PCDH15: variants seen among roughly 807,000 people sequenced by gnomAD.
PCDH15 encodes protocadherin related 15, also known as protocadherin-15.
Under a neutral mutation model 178.5 loss-of-function variants are expected in PCDH15, and 129 were observed. The observed-to-expected ratio is 0.72, with a 90% confidence interval of 0.63 to 0.84. The LOEUF (loss-of-function observed/expected upper bound fraction) is 0.84, where lower values mean the gene tolerates loss of function less well. PCDH15 is among the 40% of genes least tolerant of loss of function. PCDH15 has a pLI of 0.00. For synonymous variants in PCDH15, 800 were observed against 732.0 expected (o/e 1.09, Z -1.50); for missense variants, 2,230 against 2,099.9 (o/e 1.06, Z -1.21).
At chr10:55,154,424 T>C (rs1838827228) in intron 2 of PCDH15, among the ~76,000 whole-genome samples, 1 of 152,126 alleles carries the variant, frequency 6.6e-6, no homozygotes, top group African/African-American at 2.4e-5. Flanking sequence ...TGGTACTCTA[T>C]AGATAATCAG....
intron 2 of PCDH15, among the ~76,000 whole-genome samples, chr10:54,530,781 A>T (rs2083825211): frequency 6.6e-6 from 1 of 152,216 alleles, no homozygotes; most frequent in African/African-American, 2.4e-5. Context: ...CTTCTGGATA[A>T]ATACAAAAAT....
intron 18 of PCDH15, among the ~76,000 whole-genome samples, chr10:54,050,904 T>TA (rs2093758214): frequency 6.6e-6 from 1 of 152,136 alleles, no homozygotes; most frequent in Non-Finnish European, 1.5e-5. Context: ...TGGGAGCAGT[T>TA]ACTTCTATAC....
In PCDH15 at chr10:54,238,712, C is replaced by G. The variant is rs531045256; in HGVS notation, c.877-1781G>C. 3.1e-4 allele frequency among the ~76,000 whole-genome samples: 47 copies of G among 150,470 alleles called. No individual in the cohort carries two copies. The South Asian group carries it at 9.3e-3, about 30-fold the overall frequency. ...ACACACACACACACACACACACACA[C>G]ACTTTCCCAATAATCAATTTGCTTG... On this transcript the variant is annotated intron_variant, in intron 8 of 37. Transcript: ENST00000644397.
At chr10:54,694,639 G>T (rs926484158) in intron 1 of PCDH15, among the ~76,000 whole-genome samples, 2 of 151,816 alleles carry the variant, frequency 1.3e-5, no homozygotes, top group Non-Finnish European at 2.9e-5. Context: ...AGAGATCAGC[G>T]GTCTTTGAGA....
chr10:55,203,811 T>TA (rs1418526095), intron 1 of PCDH15, among the ~76,000 whole-genome samples: 3 of 152,098 alleles, frequency 2.0e-5, no homozygotes, highest in African/African-American at 7.3e-5. Flanking sequence ...ACCAAATTTT[T>TA]AAAAAGTGTT....
At chr10:55,413,354 A>T (rs1404632710) in intron 2 of PCDH15, among the ~76,000 whole-genome samples, 2 of 147,916 alleles carry the variant, frequency 1.4e-5, no homozygotes, top group Admixed American at 1.3e-4. Context: ...AATATTTAGC[A>T]TATTTTAAAT....
At chr10:54,895,815 G>A (rs1367254848) in intron 3 of PCDH15, among the ~76,000 whole-genome samples, 6 of 151,998 alleles carry the variant, frequency 3.9e-5, no homozygotes, top group South Asian at 2.1e-4. Flanking sequence ...AGCCATACAC[G>A]TTAGTCTACT....
intron 2 of PCDH15, among the ~76,000 whole-genome samples, chr10:55,138,813 A>C (rs1056233674): frequency 6.6e-6 from 1 of 151,984 alleles, no homozygotes; most frequent in Non-Finnish European, 1.5e-5. Context: ...TAATTTCTCC[A>C]GTTTCTGTTA....
intron 6 of PCDH15, among the ~76,000 whole-genome samples, chr10:54,334,453 C>T (rs1419655441): frequency 6.6e-6 from 1 of 152,096 alleles, no homozygotes; most frequent in Non-Finnish European, 1.5e-5. Context: ...GATAAAACGG[C>T]AGCTCTCTGA....
At chr10:54,221,378 C>T (rs994806845) in intron 9 of PCDH15, among the ~76,000 whole-genome samples, 7 of 152,020 alleles carry the variant, frequency 4.6e-5, no homozygotes, top group Non-Finnish European at 1.0e-4. Flanking sequence ...AAAAATGCTA[C>T]ACAATTATCT....
intron 2 of PCDH15, among the ~76,000 whole-genome samples, chr10:54,945,052 A>G (rs999602022): frequency 2.0e-5 from 3 of 151,936 alleles, no homozygotes; most frequent in African/African-American, 7.2e-5. Flanking sequence ...GACTTCTGCT[A>G]CAGCAGATAT....
At chr10:55,353,290 T>C (rs1844989821) in intron 2 of PCDH15, among the ~76,000 whole-genome samples, 1 of 152,138 alleles carries the variant, frequency 6.6e-6, no homozygotes, top group South Asian at 2.1e-4. Flanking sequence ...TATTGATTCT[T>C]ATTTTGATTA....
intron 28 of PCDH15, among the ~76,000 whole-genome samples, chr10:53,854,891 G>C (rs11003884): frequency 0.075 from 11,393 of 152,050 alleles, 777 homozygotes; most frequent in African/African-American, 0.17. Flanking sequence ...GTTTTATGAA[G>C]TCAGAGCTTC....
At chr10:53,882,132 A>G (rs72794906) in intron 26 of PCDH15, among the ~76,000 whole-genome samples, 3 of 18,882 alleles carry the variant, frequency 1.6e-4, no homozygotes, top group African/African-American at 2.2e-4. Context: ...TGTTGGGAGA[A>G]AAGCTGAGTG....
chr10:55,557,762 TC>T (rs910173662), intron 2 of PCDH15, among the ~76,000 whole-genome samples: 3 of 152,110 alleles, frequency 2.0e-5, no homozygotes, highest in African/African-American at 7.2e-5. Context: ...AGAAAAATTT[TC>T]CCCATGGACA....
chr10:54,253,433 G>A (rs1280929940), intron 8 of PCDH15, among the ~76,000 whole-genome samples: 1 of 151,940 alleles, frequency 6.6e-6, no homozygotes, highest in African/African-American at 2.4e-5. Flanking sequence ...TGTACATCGA[G>A]AATATTGAGA....
chr10:55,557,229 T>G (rs1248678630), intron 2 of PCDH15, among the ~76,000 whole-genome samples: 1 of 152,172 alleles, frequency 6.6e-6, no homozygotes, highest in East Asian at 1.9e-4. Context: ...ACATTTAAGT[T>G]TATTGAGTGA....
At chr10:55,600,151 T>C (rs961391461) in intron 2 of PCDH15, 2 of 307,838 alleles carry the variant, frequency 6.5e-6, no homozygotes, top group East Asian at 1.2e-4. Flanking sequence ...GATCACGAGG[T>C]CAGGAGATCG....
intron 1 of PCDH15, among the ~76,000 whole-genome samples, chr10:54,770,871 A>G (rs1949011973): frequency 6.6e-6 from 1 of 151,982 alleles, no homozygotes; most frequent in Admixed American, 6.6e-5. Flanking sequence ...TTGATTGTTC[A>G]AAATTTACTT....
Sources: allele counts gnomAD v4.1 joint callset (sites outside exome capture counted in the v4.1 genomes callset), GRCh38; gene constraint gnomAD v4.1.1; transcripts MANE v1.5; gene names NCBI Gene and HGNC (gene_info 2026-07-23, HGNC 2026-07-21).